Variants in COMMD1 observed in about 807,000 individuals in gnomAD.
COMMD1 encodes COMM domain-containing protein 1.
A neutral mutation model predicts 17.2 loss-of-function variants in COMMD1; 10 were observed. The ratio of observed to expected loss-of-function variants is 0.58; its 90% CI spans 0.36 to 0.99. The LOEUF (loss-of-function observed/expected upper bound fraction) is 0.99, where lower values mean the gene tolerates loss of function less well. COMMD1 is among the 50% of genes least tolerant of loss of function. COMMD1 has a pLI of 0.01. For synonymous variants in COMMD1, 97 were observed against 91.6 expected (o/e 1.06, Z -0.34); for missense variants, 270 against 231.8 (o/e 1.17, Z -1.07).
intron 2 of COMMD1, among the ~76,000 whole-genome samples, chr2:62,092,242 G>A (rs1452352898): frequency 6.6e-6 from 1 of 152,194 alleles, no homozygotes; most frequent in African/African-American, 2.4e-5. Flanking sequence ...ATCCCAAACA[G>A]CTTCTTAGGG....
chr2:62,044,642 G>A (rs1670330010), intron 2 of COMMD1, among the ~76,000 whole-genome samples: 1 of 152,080 alleles, frequency 6.6e-6, no homozygotes, highest in African/African-American at 2.4e-5. Context: ...ATTGGGATTA[G>A]TGTTTCTTTT....
At chr2:61,998,864 G>T (rs1449162922) in intron 1 of COMMD1, among the ~76,000 whole-genome samples, 1 of 152,198 alleles carries the variant, frequency 6.6e-6, no homozygotes. Flanking sequence ...ATGGCCAGTG[G>T]TTGGAGCAGT....
At chr2:61,895,517 A>G (rs1005631400) in intron 1 of COMMD1, among the ~76,000 whole-genome samples, 10 of 152,180 alleles carry the variant, frequency 6.6e-5, no homozygotes, top group African/African-American at 2.4e-4. Context: ...CTTGTGTCTC[A>G]GGTGGCAAGG....
At chr2:62,130,581 C>T (rs1291442249) in intron 2 of COMMD1, among the ~76,000 whole-genome samples, 3 of 152,092 alleles carry the variant, frequency 2.0e-5, no homozygotes, top group African/African-American at 7.2e-5. Context: ...AAATATGATC[C>T]ATAAATTAGA....
intron 1 of COMMD1, among the ~76,000 whole-genome samples, chr2:61,954,196 G>A (rs1008223863): frequency 2.6e-5 from 4 of 152,002 alleles, no homozygotes; most frequent in Non-Finnish European, 4.4e-5. Flanking sequence ...GCGACAGAGT[G>A]AGACTCTGTC....
chr2:62,127,877 T>A (rs2104091957), intron 2 of COMMD1, among the ~76,000 whole-genome samples: 1 of 151,350 alleles, frequency 6.6e-6, no homozygotes, highest in Non-Finnish European at 1.5e-5. Context: ...TACAAAAAAA[T>A]TAGGCATGGT....
chr2:62,081,038 A>G (rs1448291899), intron 2 of COMMD1, among the ~76,000 whole-genome samples: 2 of 152,116 alleles, frequency 1.3e-5, no homozygotes, highest in South Asian at 4.1e-4. Context: ...TTCTATATGT[A>G]TATATACCCT....
chr2:61,941,057 A>G (rs938622708), intron 1 of COMMD1, among the ~76,000 whole-genome samples: 2 of 143,840 alleles, frequency 1.4e-5, no homozygotes, highest in Admixed American at 1.4e-4. Flanking sequence ...TTTTTTTGGG[A>G]TGGAGTCTCG....
At chr2:61,975,847 A>G (rs753010463) in intron 1 of COMMD1, among the ~76,000 whole-genome samples, 14 of 152,094 alleles carry the variant, frequency 9.2e-5, no homozygotes, top group Non-Finnish European at 2.1e-4. Flanking sequence ...TATAATTTCT[A>G]TTCTTTTACA....
chr2:62,052,832 T>C (rs1670575852), intron 2 of COMMD1, among the ~76,000 whole-genome samples: 1 of 152,180 alleles, frequency 6.6e-6, no homozygotes, highest in Non-Finnish European at 1.5e-5. Context: ...CCCATCACTT[T>C]GGGAGGTTAA....
chr2:62,120,221 A>C lies in COMMD1; in HGVS notation c.463-15610A>C, dbSNP rs376844797. On this transcript the variant is annotated intron_variant, in intron 2 of 2. Coordinates refer to ENST00000311832, the MANE Select transcript of COMMD1 (RefSeq NM_152516.4). ...CACCATGTTGCCCAGGCTAGTCTTG[A>C]ACTCCCCAGACTGAAGTGATACACC... Among the ~76,000 whole-genome samples the C allele has an allele frequency of 2.0e-3, 304 of 151,566 alleles. 2 individuals are homozygous for C. Among genetic ancestry groups the C allele is most frequent in the African/African-American group, 7.0e-3 (289 of 41,314 alleles).
chr2:62,005,866 A>C (rs1278057265), intron 2 of COMMD1, among the ~76,000 whole-genome samples: 3 of 151,488 alleles, frequency 2.0e-5, no homozygotes, highest in Non-Finnish European at 4.4e-5. Context: ...AAGGACTATA[A>C]ATCATGCTGC....
At chr2:62,027,630 T>G (rs929308591) in intron 2 of COMMD1, among the ~76,000 whole-genome samples, 1 of 145,390 alleles carries the variant, frequency 6.9e-6, no homozygotes, top group African/African-American at 2.8e-5. Flanking sequence ...ATTTATGTTA[T>G]GTTATGTTAT....
intron 1 of COMMD1, among the ~76,000 whole-genome samples, chr2:61,897,109 C>T (rs901717536): frequency 2.0e-5 from 3 of 152,050 alleles, no homozygotes; most frequent in Non-Finnish European, 4.4e-5. Flanking sequence ...GGATTACAGG[C>T]GTGAGCCACT....
At chr2:61,970,294 A>T (rs977294163) in intron 1 of COMMD1, among the ~76,000 whole-genome samples, 1 of 151,796 alleles carries the variant, frequency 6.6e-6, no homozygotes, top group Non-Finnish European at 1.5e-5. Context: ...TGATAAATAT[A>T]TTATTTGTGG....
intron 1 of COMMD1, among the ~76,000 whole-genome samples, chr2:61,966,592 A>G (rs1434952237): frequency 6.6e-6 from 1 of 152,054 alleles, no homozygotes; most frequent in East Asian, 1.9e-4. Context: ...AGGCTCTAGT[A>G]ATGTCCTAGG....
rs554145721 is a variant in COMMD1, at chr2:62,048,477, C to T, written c.462+47495C>T. Among the ~76,000 whole-genome samples, 4 of 152,134 alleles carry T rather than the reference C, an allele frequency of 2.6e-5. No homozygotes were observed. The South Asian group carries it at 6.2e-4, about 24-fold the overall frequency. On this transcript the variant is annotated intron_variant, in intron 2 of 2. Coordinates refer to ENST00000311832, the MANE Select transcript of COMMD1 (RefSeq NM_152516.4). ...TGCTGGGATTACAGGCATGAGCCAC[C>T]GTGCTGGCCAGGAACTAAATTTCAG... is the stretch of plus-strand genomic sequence containing the variant.
chr2:61,943,789 C>T (rs1670831328), intron 1 of COMMD1, among the ~76,000 whole-genome samples: 1 of 152,162 alleles, frequency 6.6e-6, no homozygotes, highest in African/African-American at 2.4e-5. Flanking sequence ...GGGCCGAGAT[C>T]CCGCCATTGC....
At chr2:61,978,680 G>A (rs1671869607) in intron 1 of COMMD1, among the ~76,000 whole-genome samples, 1 of 152,074 alleles carries the variant, frequency 6.6e-6, no homozygotes, top group African/African-American at 2.4e-5. Flanking sequence ...TTTAATGCTT[G>A]CTATTGACTG....
Sources: gnomAD v4.1 joint callset for allele counts (sites outside exome capture counted in the v4.1 genomes callset) on GRCh38, gnomAD v4.1.1 for gene constraint, MANE v1.5 for transcripts, NCBI Gene and HGNC (gene_info 2026-07-23, HGNC 2026-07-21) for gene names.